MYCBP2: variants seen among roughly 807,000 people sequenced by gnomAD.
The protein encoded by MYCBP2 is E3 ubiquitin-protein ligase MYCBP2.
In MYCBP2, 120 loss-of-function variants were observed where a neutral mutation model predicts 525.3. The ratio of observed to expected loss-of-function variants is 0.23; its 90% confidence interval spans 0.20 to 0.27. The LOEUF is 0.27. Among genes scored for constraint, MYCBP2 ranks in the 10% least tolerant of loss-of-function variants. The pLI, the probability that MYCBP2 is intolerant of heterozygous loss-of-function variation, is 1.00. For missense variants in MYCBP2, 4,149 were observed against 5,657.1 expected (o/e 0.73, Z 8.55); for synonymous variants, 1,894 against 1,955.8 (o/e 0.97, Z 0.83).
chr13:77,086,476 G>T (rs529447939), intron 62 of MYCBP2, among the ~76,000 whole-genome samples: 5 of 151,976 alleles, frequency 3.3e-5, no homozygotes, highest in South Asian at 4.2e-4. Flanking sequence ...TGACTCAATG[G>T]GTTGTTATCT....
intron 21 of MYCBP2, among the ~76,000 whole-genome samples, 185 bp from the exon 22 acceptor site, chr13:77,212,345 T>C (rs2064133562): frequency 6.6e-6 from 1 of 152,264 alleles, no homozygotes; most frequent in African/African-American, 2.4e-5. Flanking sequence ...AGTAATAAAA[T>C]AATTTCTATT....
intron 12 of MYCBP2, among the ~76,000 whole-genome samples, chr13:77,260,935 A>G (rs2073163707): frequency 6.6e-6 from 1 of 152,084 alleles, no homozygotes; most frequent in South Asian, 2.1e-4. Flanking sequence ...CATATCTAAA[A>G]TCTCCTTTTT....
intron 59 of MYCBP2, among the ~76,000 whole-genome samples, chr13:77,091,310 T>C (rs918214133): frequency 2.0e-5 from 3 of 152,058 alleles, no homozygotes; most frequent in Non-Finnish European, 4.4e-5. Flanking sequence ...CAGGGAAACA[T>C]TAACTTAATT....
At position 77,096,273 on chromosome 13, in the gene MYCBP2, C is replaced by T. The variant is rs988515047; in HGVS notation, c.9954+39G>A. On this transcript the variant is annotated intron_variant, in intron 57 of 82. Transcript: ENST00000544440. ...ACAAGGTATTTTTATACAGTGTATC[C>T]ATATCATTAAAAGTATAGCTCCAAA... 9.4e-6 allele frequency: 15 copies of T among 1,590,304 alleles called. No individual in the cohort carries two copies. The East Asian group carries it at 2.0e-4, about 21-fold the overall frequency.
intron 52 of MYCBP2, among the ~76,000 whole-genome samples, chr13:77,134,585 A>C (rs529490395): frequency 1.6e-4 from 24 of 151,894 alleles, no homozygotes; most frequent in Admixed American, 4.6e-4. Flanking sequence ...AAAATAACAA[A>C]AAAAAAAAGG....
At chr13:77,241,274 T>C (rs1386709622) in intron 17 of MYCBP2, among the ~76,000 whole-genome samples, 1 of 152,192 alleles carries the variant, frequency 6.6e-6, no homozygotes, top group African/African-American at 2.4e-5. Flanking sequence ...ACAAATATAC[T>C]ATACCTAGAG....
chr13:77,104,524 T>A (rs1478257823), intron 55 of MYCBP2, among the ~76,000 whole-genome samples: 1 of 152,050 alleles, frequency 6.6e-6, no homozygotes, highest in Admixed American at 6.6e-5. Context: ...GACTGCAGAA[T>A]ACCACTTTGG....
chr13:77,047,460 T>C (rs2035803339), intron 82 of MYCBP2, among the ~76,000 whole-genome samples: 1 of 152,160 alleles, frequency 6.6e-6, no homozygotes, highest in African/African-American at 2.4e-5. Context: ...TGGATGTTTT[T>C]GTGCTCCTCC....
intron 58 of MYCBP2, among the ~76,000 whole-genome samples, chr13:77,093,579 T>A (rs1326254379): frequency 6.6e-6 from 1 of 152,190 alleles, no homozygotes; most frequent in Non-Finnish European, 1.5e-5. Context: ...AACTTTTCCA[T>A]CTTCCAGTGT....
chr13:77,268,493 T>A (rs2074405446), intron 7 of MYCBP2, among the ~76,000 whole-genome samples: 1 of 152,210 alleles, frequency 6.6e-6, no homozygotes, highest in Non-Finnish European at 1.5e-5. Flanking sequence ...TAAAATTTAA[T>A]TTCAGGCTGG....
intron 82 of MYCBP2, among the ~76,000 whole-genome samples, chr13:77,047,589 A>G (rs1190242452): frequency 6.6e-6 from 1 of 152,170 alleles, no homozygotes; most frequent in Non-Finnish European, 1.5e-5. Flanking sequence ...TATAACATAA[A>G]AAGCAGTTGG....
chr13:77,104,541 C>T (rs1462801798), intron 55 of MYCBP2, among the ~76,000 whole-genome samples: 3 of 151,944 alleles, frequency 2.0e-5, no homozygotes, highest in South Asian at 2.1e-4. Context: ...TTGGGAGTGA[C>T]GCCTAGAAGA....
intron 68 of MYCBP2, among the ~76,000 whole-genome samples, chr13:77,074,579 ATAG>A (rs1320424165): frequency 6.6e-6 from 1 of 152,230 alleles, no homozygotes; most frequent in Non-Finnish European, 1.5e-5. Flanking sequence ...AGCTTTACTA[ATAG>A]TAGCCAAACA....
chr13:77,166,019 T>A (rs2058480723), intron 41 of MYCBP2, among the ~76,000 whole-genome samples: 1 of 152,164 alleles, frequency 6.6e-6, no homozygotes, highest in African/African-American at 2.4e-5. Flanking sequence ...AAAGATCTAA[T>A]CCATTGTTTT....
chr13:77,265,502 TA>T (rs922123546), intron 8 of MYCBP2, among the ~76,000 whole-genome samples: 1 of 151,976 alleles, frequency 6.6e-6, no homozygotes, highest in Non-Finnish European at 1.5e-5. Flanking sequence ...AATTATCAGA[TA>T]AAAAAAGTAT....
chr13:77,097,929 T>G lies in MYCBP2; in HGVS notation c.9225A>C (p.Gln3075His). Residue 3075 changes from glutamine (Q) to histidine (H), a missense_variant, in exon 56 of 83, where the codon CAA (glutamine) becomes CAC (histidine). Coordinates refer to ENST00000544440, the MANE Select transcript of MYCBP2 (RefSeq NM_015057.5). ...TGGTTTCTTTTTCCTCTGTAGGTTGTTGGCTATTTAAACTACTCCTTATAG... is the reference window on the plus strand; with the variant it reads ...TGGTTTCTTTTTCCTCTGTAGGTTGGTGGCTATTTAAACTACTCCTTATAG... ...HAPIRSSLNSQQPTEEKETKL... is the reference protein window; with the variant it reads ...HAPIRSSLNSHQPTEEKETKL... 2 of 1,612,926 alleles carry G rather than the reference T, an allele frequency of 1.2e-6. No homozygotes were observed. Among genetic ancestry groups the G allele is most frequent in the South Asian group, 2.2e-5 (2 of 90,886 alleles).
At chr13:77,153,245 G>A (rs2056759203) in intron 46 of MYCBP2, among the ~76,000 whole-genome samples, 1 of 152,056 alleles carries the variant, frequency 6.6e-6, no homozygotes, top group Admixed American at 6.6e-5. Flanking sequence ...GCCATCCACA[G>A]ACAACAAAGC....
rs80039578 is a variant in MYCBP2 at position 77,158,205 on chromosome 13, C to T, written c.6598-96G>A. 4.6e-4 allele frequency: 313 copies of T among 676,742 alleles called. 2 individuals carry two copies. The East Asian group carries it at 9.0e-3, about 19-fold the overall frequency. 41.9% of individuals were successfully genotyped at this position (676,742 alleles called of 1,614,324 possible). A position where few individuals can be genotyped will look rare whatever the true frequency, so the allele number is the denominator to read the frequency against. On this transcript the variant is annotated intron_variant, in intron 44 of 82. Coordinates refer to ENST00000544440, the MANE Select transcript of MYCBP2 (RefSeq NM_015057.5). ...GCAGATACTTTCAGATAGGCCTTTA[C>T]GGAGAAATCATTTTCTCCACGTACC...
At chr13:77,206,198 A>G (rs2063317199) in intron 24 of MYCBP2, among the ~76,000 whole-genome samples, 1 of 151,888 alleles carries the variant, frequency 6.6e-6, no homozygotes, top group Non-Finnish European at 1.5e-5. Context: ...CAAAGTAATT[A>G]AATAAGTACT....
Sources: allele counts gnomAD v4.1 joint callset (sites outside exome capture counted in the v4.1 genomes callset), GRCh38; gene constraint gnomAD v4.1.1; transcripts MANE v1.5; gene names NCBI Gene and HGNC (gene_info 2026-07-23, HGNC 2026-07-21).